The following FAM114A2 variants were observed in gnomAD, a reference collection of about 807,000 sequenced individuals.
FAM114A2 encodes protein FAM114A2.
FAM114A2 carries 53 observed loss-of-function variants against 58.4 expected under a neutral mutation model. The observed-to-expected ratio is 0.91, with a 90% confidence interval of 0.73 to 1.14. The LOEUF (loss-of-function observed/expected upper bound fraction) is 1.14, where lower values mean the gene tolerates loss of function less well. Ranked by LOEUF, FAM114A2 falls within the 50% of genes most tolerant of loss-of-function variation. The pLI, the probability that FAM114A2 is intolerant of heterozygous loss-of-function variation, is 0.00. For missense variants in FAM114A2, 601 were observed against 581.1 expected (o/e 1.03, Z -0.35); for synonymous variants, 228 against 211.4 (o/e 1.08, Z -0.68).
intron 8 of FAM114A2, among the ~76,000 whole-genome samples, chr5:154,023,021 C>A (rs188509389): frequency 6.6e-6 from 1 of 152,198 alleles, no homozygotes; most frequent in East Asian, 1.9e-4. Flanking sequence ...TCATTCTGAG[C>A]AAACTATCAC....
intron 8 of FAM114A2, among the ~76,000 whole-genome samples, chr5:154,022,305 A>G (rs1771471196): frequency 6.6e-6 from 1 of 152,252 alleles, no homozygotes; most frequent in African/African-American, 2.4e-5. Flanking sequence ...TAAACTAAAG[A>G]GCTTCTGCAC....
At chr5:154,020,840 CAA>C (rs1561563297) in intron 8 of FAM114A2, among the ~76,000 whole-genome samples, 1 of 151,820 alleles carries the variant, frequency 6.6e-6, no homozygotes. Context: ...AGAGACACGA[CAA>C]AAAAAGAGAA....
intron 8 of FAM114A2, among the ~76,000 whole-genome samples, chr5:154,025,703 T>TA (rs569456425): frequency 3.6e-4 from 54 of 148,720 alleles, no homozygotes; most frequent in South Asian, 2.8e-3. Context: ...TCCACTTTTT[T>TA]AAAAAAAAAA....
At chr5:154,031,967 C>G (rs1772230394) in intron 4 of FAM114A2, among the ~76,000 whole-genome samples, 1 of 152,190 alleles carries the variant, frequency 6.6e-6, no homozygotes, top group African/African-American at 2.4e-5. Context: ...CCAGATGTTT[C>G]CACAGGTAGC....
At chr5:154,013,431 T>C (rs1219901838) in intron 8 of FAM114A2, among the ~76,000 whole-genome samples, 1 of 152,188 alleles carries the variant, frequency 6.6e-6, no homozygotes, top group East Asian at 1.9e-4. Flanking sequence ...AGAGACATAA[T>C]TAAATACTAA....
At chr5:154,021,579 C>A (rs1198197034) in intron 8 of FAM114A2, among the ~76,000 whole-genome samples, 1 of 152,122 alleles carries the variant, frequency 6.6e-6, no homozygotes, top group Non-Finnish European at 1.5e-5. Flanking sequence ...ACGTAAGAAT[C>A]CAACTTACAA....
chr5:154,035,011 G>T (rs1581844628), intron 1 of FAM114A2, 44 bp from the exon 2 acceptor site: 1 of 1,202,688 alleles, frequency 8.3e-7, no homozygotes, highest in Non-Finnish European at 1.2e-6. Context: ...AGGCTTCTTT[G>T]GTATAAAGTA....
Position 154,002,959 on chromosome 5 carries a change from G to GT in FAM114A2, c.1003dup (p.Thr335AsnfsTer18). The GT allele has an allele frequency of 6.2e-7, 1 of 1,613,376 alleles. No individual in the cohort carries two copies. The highest frequency in any genetic ancestry group is 8.5e-7 in the Non-Finnish European group (1 of 1,179,644). ...AGACTTCCTGATCCATTCGTGGGCG[G>GT]TATTTCTTGCCTAAATAAGAAAAAT... On this transcript the variant is annotated frameshift_variant, in exon 10 of 14. Coordinates refer to ENST00000351797, the MANE Select transcript of FAM114A2 (RefSeq NM_018691.4). LOFTEE classifies it high-confidence loss of function.
At chr5:154,034,653 A>C (rs1261484424) in intron 2 of FAM114A2, 91 bp downstream of exon 2, 3 of 907,252 alleles carry the variant, frequency 3.3e-6, no homozygotes, top group Non-Finnish European at 5.4e-6. Context: ...GCAATTCTAA[A>C]TTGGTATTTA....
intron 8 of FAM114A2, among the ~76,000 whole-genome samples, chr5:154,014,736 G>A (rs1449558248): frequency 6.6e-6 from 1 of 152,186 alleles, no homozygotes; most frequent in African/African-American, 2.4e-5. Context: ...CTGGGAAAAG[G>A]CCACAGGGAG....
intron 8 of FAM114A2, among the ~76,000 whole-genome samples, chr5:154,014,141 G>A (rs541621061): frequency 1.3e-5 from 2 of 152,150 alleles, no homozygotes; most frequent in African/African-American, 4.8e-5. Context: ...TTCAAGAACC[G>A]TTTTCCAATC....
intron 9 of FAM114A2, among the ~76,000 whole-genome samples, chr5:154,006,620 A>G (rs1432436249): frequency 1.3e-5 from 2 of 152,222 alleles, no homozygotes; most frequent in East Asian, 1.9e-4. Context: ...GGAAAGAATC[A>G]TAACAGTTGA....
chr5:154,002,076 T>C (rs150446686), intron 11 of FAM114A2, among the ~76,000 whole-genome samples, 175 bp downstream of exon 11: 29 of 152,346 alleles, frequency 1.9e-4, no homozygotes, highest in African/African-American at 5.8e-4. Flanking sequence ...ATTTATAATA[T>C]TGATTTATCA....
At chr5:154,028,429 C>A in intron 5 of FAM114A2, 146 bp from the exon 6 acceptor site, 1 of 587,966 alleles carries the variant, frequency 1.7e-6, no homozygotes, top group African/African-American at 1.9e-5. Context: ...TCACACACTG[C>A]TTGTGGGAAC....
intron 8 of FAM114A2, among the ~76,000 whole-genome samples, chr5:154,019,837 G>A (rs1474990584): frequency 6.6e-6 from 1 of 152,096 alleles, no homozygotes; most frequent in Non-Finnish European, 1.5e-5. Flanking sequence ...ACATGTAGGA[G>A]AATGAAACTG....
chr5:154,034,307 G>A lies in FAM114A2; in HGVS notation c.281C>T (p.Ser94Phe), dbSNP rs557916988. ...YWGSWGKSIL[S>F]SASATVATVG... ...TGTAGCTACTGTAGCCGAGGCTGAG[G>A]AGAGTATGGACTTGCCCCAGCTCCC... The change falls in exon 3 of 14, where the codon TCC becomes TTC. Residue 94 changes from serine (S) to phenylalanine (F), a missense_variant. Coordinates refer to ENST00000351797, the MANE Select transcript of FAM114A2 (RefSeq NM_018691.4). 2.4e-5 allele frequency: 38 copies of A among 1,597,558 alleles called. No homozygotes were observed. The African/African-American group carries it at 4.7e-4, about 20-fold the overall frequency.
intron 3 of FAM114A2, 66 bp downstream of exon 3, chr5:154,034,212 T>C (rs980915541): frequency 6.9e-5 from 67 of 968,096 alleles, no homozygotes; most frequent in Non-Finnish European, 9.7e-5. Context: ...AACCAAGTCA[T>C]ATGCAATGCA....
intron 9 of FAM114A2, among the ~76,000 whole-genome samples, chr5:154,009,180 G>A (rs1385972907): frequency 1.3e-5 from 2 of 152,150 alleles, no homozygotes; most frequent in East Asian, 3.9e-4. Context: ...AGAAATGTCT[G>A]GTTGCAGGGC....
Position 154,011,351 on chromosome 5 carries a change from C to T in FAM114A2, c.914-31G>A, listed in dbSNP as rs192699133. On this transcript the variant is annotated intron_variant, in intron 8 of 13. Coordinates refer to ENST00000351797, the MANE Select transcript of FAM114A2 (RefSeq NM_018691.4). ...AAACCAAGTCCCATATAAAACACTC[C>T]AGAAAGACTGCTGAGGATCATGAGG... 6.3e-4 allele frequency: 930 copies of T among 1,485,430 alleles called. 5 individuals carry two copies. Among genetic ancestry groups the T allele is most frequent in the South Asian group, 7.0e-4 (60 of 86,274 alleles). 92.0% of individuals were successfully genotyped at this position (1,485,430 alleles called of 1,614,324 possible).
Sources: gnomAD v4.1 joint callset for allele counts (sites outside exome capture counted in the v4.1 genomes callset) on GRCh38, gnomAD v4.1.1 for gene constraint, MANE v1.5 for transcripts, NCBI Gene and HGNC (gene_info 2026-07-23, HGNC 2026-07-21) for gene names.